The following PCDH7 variants were observed in gnomAD, a reference collection of about 807,000 sequenced individuals.
PCDH7 encodes the protein protocadherin 7.
Under a neutral mutation model 58.9 loss-of-function variants are expected in PCDH7, and 17 were observed. That is an observed-to-expected ratio of 0.29 (90% CI 0.20 to 0.43). PCDH7 has a LOEUF of 0.43. Ranked by LOEUF, PCDH7 falls within the 20% of genes least tolerant of loss-of-function variation. The pLI, the probability that PCDH7 is intolerant of heterozygous loss-of-function variation, is 1.00. For synonymous variants in PCDH7, 664 were observed against 616.4 expected, an observed-to-expected ratio of 1.08 and a Z score of -1.14; for missense variants, 1,274 against 1,441.0, an observed-to-expected ratio of 0.88 and a Z score of 1.88.
At chr4:30,886,874 CA>C (rs1331873576) in intron 1 of PCDH7, among the ~76,000 whole-genome samples, 4 of 145,892 alleles carry the variant, frequency 2.7e-5, no homozygotes. Flanking sequence ...ATTGCAAGAA[CA>C]AAAAACCAAA....
At chr4:31,041,207 T>C (rs1578635809) in intron 3 of PCDH7, among the ~76,000 whole-genome samples, 1 of 152,196 alleles carries the variant, frequency 6.6e-6, no homozygotes, top group African/African-American at 2.4e-5. Context: ...GCAATATCCA[T>C]TTTCTTCTGA....
intron 1 of PCDH7, among the ~76,000 whole-genome samples, chr4:30,727,951 T>C (rs1382635734): frequency 6.6e-6 from 1 of 151,856 alleles, no homozygotes; most frequent in Non-Finnish European, 1.5e-5. Context: ...TTTTATTGTA[T>C]TTAGTAAATG....
intron 3 of PCDH7, among the ~76,000 whole-genome samples, chr4:31,081,160 C>T (rs1433890193): frequency 6.6e-6 from 1 of 152,164 alleles, no homozygotes; most frequent in African/African-American, 2.4e-5. Flanking sequence ...AAGAAAAACT[C>T]TAAATGGAAT....
At chr4:30,908,182 A>G (rs539054827) in intron 1 of PCDH7, among the ~76,000 whole-genome samples, 63 of 151,644 alleles carry the variant, frequency 4.2e-4, no homozygotes, top group African/African-American at 1.4e-3. Flanking sequence ...AGCATGGCAC[A>G]TGTATGCCTA....
intron 1 of PCDH7, among the ~76,000 whole-genome samples, chr4:30,852,564 G>C (rs2109347522): frequency 6.6e-6 from 1 of 151,946 alleles, no homozygotes; most frequent in Non-Finnish European, 1.5e-5. Context: ...AAAATCTCTT[G>C]GTGATGAAAT....
At chr4:30,802,622 T>C (rs984316943) in intron 1 of PCDH7, among the ~76,000 whole-genome samples, 2 of 151,654 alleles carry the variant, frequency 1.3e-5, no homozygotes, top group Admixed American at 1.3e-4. Context: ...AATTTGGAGA[T>C]ATAGAGGAGG....
chr4:30,963,305 A>T (rs1748652158), intron 3 of PCDH7, among the ~76,000 whole-genome samples: 1 of 152,192 alleles, frequency 6.6e-6, no homozygotes, highest in African/African-American at 2.4e-5. Flanking sequence ...ACCTTTGGTA[A>T]GTTGTCTTCC....
intron 3 of PCDH7, among the ~76,000 whole-genome samples, chr4:31,097,771 G>C (rs1714341897): frequency 1.3e-5 from 2 of 151,124 alleles, no homozygotes; most frequent in Admixed American, 1.3e-4. Context: ...AGTCAGGCTA[G>C]CTCTGCCTTT....
chr4:30,734,616 T>A (rs114527912), downstream of PCDH7, among the ~76,000 whole-genome samples: 1,909 of 152,250 alleles, frequency 0.013, 32 homozygotes, highest in African/African-American at 0.044. Context: ...CCTGTCTTCA[T>A]ACATAGGACA....
intron 3 of PCDH7, among the ~76,000 whole-genome samples, chr4:31,082,621 TGCA>T (rs1711647536): frequency 6.6e-6 from 1 of 152,216 alleles, no homozygotes; most frequent in Admixed American, 6.5e-5. Flanking sequence ...TAATGTCTTC[TGCA>T]GCAACTTGGA....
At chr4:30,802,704 T>C (rs1445839790) in intron 1 of PCDH7, among the ~76,000 whole-genome samples, 6 of 151,936 alleles carry the variant, frequency 3.9e-5, no homozygotes, top group Non-Finnish European at 7.4e-5. Context: ...GTGTTGAGGT[T>C]GAGGGGAATG....
chr4:30,834,957 A>G (rs982783883), intron 1 of PCDH7, among the ~76,000 whole-genome samples: 2 of 151,910 alleles, frequency 1.3e-5, no homozygotes, highest in East Asian at 1.9e-4. Context: ...ATATTCATCA[A>G]TAAAATTGCT....
rs529115564 is a variant in PCDH7, at chr4:31,016,188, AC to A, written c.*7+65974del. 2.0e-3 allele frequency among the ~76,000 whole-genome samples: 302 copies of A among 152,278 alleles called. 1 individual carries two copies. Among genetic ancestry groups the A allele is most frequent in the Middle Eastern group, 0.014 (4 of 292 alleles). ...AATGACCAATGTTCAGGTTCTTTCT[AC>A]TTTTTCATTCACAATTATTAGATTA... On this transcript the variant is annotated intron_variant, in intron 3 of 3. Coordinates refer to the PCDH7 transcript ENST00000509759.
At chr4:31,107,088 CTG>C (rs146591072) in intron 3 of PCDH7, among the ~76,000 whole-genome samples, 3,888 of 152,154 alleles carry the variant, frequency 0.026, 70 homozygotes, top group Non-Finnish European at 0.034. Flanking sequence ...AGTTTTCCAA[CTG>C]TTTTTTAATA....
intron 3 of PCDH7, among the ~76,000 whole-genome samples, chr4:30,956,636 T>C (rs73214953): frequency 0.091 from 13,803 of 152,292 alleles, 761 homozygotes; most frequent in Non-Finnish European, 0.12. Flanking sequence ...ACATAAAGCA[T>C]TCACATAGAA....
At chr4:31,077,833 A>C (rs1759133967) in intron 3 of PCDH7, among the ~76,000 whole-genome samples, 1 of 152,212 alleles carries the variant, frequency 6.6e-6, no homozygotes, top group African/African-American at 2.4e-5. Flanking sequence ...GAAATTTAGA[A>C]GGCACGAGGT....
chr4:30,950,395 G>T (rs938990213), intron 3 of PCDH7, among the ~76,000 whole-genome samples: 1 of 152,058 alleles, frequency 6.6e-6, no homozygotes, highest in Admixed American at 6.6e-5. Flanking sequence ...CCTATACAGT[G>T]GTAGATTTTT....
At chr4:30,894,493 A>G (rs1296576485) in intron 1 of PCDH7, among the ~76,000 whole-genome samples, 1 of 27,594 alleles carries the variant, frequency 3.6e-5, no homozygotes, top group Non-Finnish European at 6.7e-5. Flanking sequence ...AAAAAAAAAT[A>G]TATATATATA....
chr4:31,051,844 T>C (rs201875939), intron 3 of PCDH7, among the ~76,000 whole-genome samples: 1 of 138,756 alleles, frequency 7.2e-6, no homozygotes, highest in Non-Finnish European at 1.5e-5. Context: ...GGGGGGCGGG[T>C]AGGGGAATTG....
Sources: gnomAD v4.1 joint callset for allele counts (sites outside exome capture counted in the v4.1 genomes callset) on GRCh38, gnomAD v4.1.1 for gene constraint, MANE v1.5 for transcripts, NCBI Gene and HGNC (gene_info 2026-07-23, HGNC 2026-07-21) for gene names.